LASP1: variants seen among roughly 807,000 people sequenced by gnomAD.
The protein encoded by LASP1 is LIM and SH3 protein 1.
A neutral mutation model predicts 38.6 loss-of-function variants in LASP1; 10 were observed. The observed-to-expected ratio is 0.26, with a 90% CI of 0.16 to 0.44. The LOEUF (loss-of-function observed/expected upper bound fraction) is 0.44. Ranked by LOEUF, LASP1 falls within the 20% of genes least tolerant of loss-of-function variation. The pLI is 1.00. For synonymous variants in LASP1, 132 were observed against 140.8 expected (o/e 0.94, Z 0.44); for missense variants, 243 against 375.7 (o/e 0.65, Z 2.92).
rs371876576 is a variant in LASP1, at chr17:38,882,098, G to A, written c.164+3918G>A. 2.0e-5 allele frequency among the ~76,000 whole-genome samples: 3 copies of A among 152,208 alleles called. No individual in the cohort carries two copies. In the East Asian group the frequency reaches 5.8e-4, roughly 29 times the overall value. ...GACACCCACGCCGGTGCTGGGGCGG[G>A]GGAGGAGGACTTGGGAGCTGGACTG... is the stretch of plus-strand genomic sequence containing the variant. On this transcript the variant is annotated intron_variant, in intron 2 of 6. Transcript: ENST00000318008.
rs536810190 is a variant in LASP1, at chr17:38,920,224, C to G, written c.*1446C>G. The G allele has an allele frequency of 2.1e-6, 1 of 479,250 alleles. No individual in the cohort carries two copies. The highest frequency in any genetic ancestry group is 2.6e-5 in the Admixed American group (1 of 38,668). The allele number at this position is 479,250 out of a possible 1,614,324, so 29.7% of individuals were successfully genotyped here. A position where few individuals can be genotyped will look rare whatever the true frequency, so the allele number is the denominator to read the frequency against. On this transcript the variant is annotated 3_prime_UTR_variant, in exon 7 of 7. Transcript: ENST00000318008. ...TCACTCCAGGCATATGTTTCCCCAT[C>G]TCTGTCTGGGGCTACAGAATAGGGT...
intron 4 of LASP1, among the ~76,000 whole-genome samples, chr17:38,908,231 G>A (rs946757115): frequency 2.0e-5 from 3 of 152,232 alleles, no homozygotes; most frequent in Non-Finnish European, 1.5e-5. Context: ...TTCCGTGTCT[G>A]CACTTCCCTC....
chr17:38,917,054 G>C (rs1915152364), intron 6 of LASP1, among the ~76,000 whole-genome samples: 1 of 152,150 alleles, frequency 6.6e-6, no homozygotes, highest in African/African-American at 2.4e-5. Flanking sequence ...GCAGGGACTT[G>C]TGGGCCCCAG....
intron 1 of LASP1, among the ~76,000 whole-genome samples, chr17:38,876,201 CAG>C (rs1047746042): frequency 2.3e-5 from 3 of 131,976 alleles, no homozygotes; most frequent in African/African-American, 8.8e-5. Context: ...TTTTTTGAGA[CAG>C]AGTCTTGCTC....
Position 38,920,228 on chromosome 17 carries a change from GTC to G in LASP1, c.*1452_*1453del. On this transcript the variant is annotated 3_prime_UTR_variant, in exon 7 of 7. Coordinates refer to ENST00000318008, the MANE Select transcript of LASP1 (RefSeq NM_006148.4). ...TCCAGGCATATGTTTCCCCATCTCT[GTC>G]TGGGGCTACAGAATAGGGTGGCAGA... 1 of 474,618 alleles carries G rather than the reference GTC, an allele frequency of 2.1e-6. No individual in the cohort carries two copies. The allele number at this position is 474,618 out of a possible 1,614,324, so 29.4% of individuals were successfully genotyped here. A position where few individuals can be genotyped will look rare whatever the true frequency, so the allele number is the denominator to read the frequency against.
At chr17:38,900,970 G>T (rs1488256888) in intron 4 of LASP1, among the ~76,000 whole-genome samples, 3 of 152,242 alleles carry the variant, frequency 2.0e-5, no homozygotes, top group East Asian at 3.8e-4. Flanking sequence ...CTTGGAAAGT[G>T]GGGGAGGGGG....
chr17:38,890,374 GC>G, intron 2 of LASP1, 45 bp from the exon 3 acceptor site: 3 of 1,560,558 alleles, frequency 1.9e-6, no homozygotes, highest in Non-Finnish European at 2.6e-6. Flanking sequence ...AGAGGCTCCT[GC>G]CCCTCCCCCA....
At chr17:38,872,486 C>A (rs908672322) in intron 1 of LASP1, among the ~76,000 whole-genome samples, 3 of 152,154 alleles carry the variant, frequency 2.0e-5, no homozygotes, top group Non-Finnish European at 4.4e-5. Context: ...CCTGGAGAGA[C>A]CTCGCCCCCT....
chr17:38,913,053 C>T (rs1915001599), intron 4 of LASP1, among the ~76,000 whole-genome samples: 2 of 152,154 alleles, frequency 1.3e-5, no homozygotes, highest in Admixed American at 1.3e-4. Context: ...TTGGTGGGCA[C>T]CTGCCTCCCC....
chr17:38,907,351 C>T (rs1183983344), intron 4 of LASP1, among the ~76,000 whole-genome samples: 2 of 152,190 alleles, frequency 1.3e-5, no homozygotes, highest in East Asian at 1.9e-4. Flanking sequence ...AAAAGGGGTG[C>T]ATTGAAATTT....
intron 2 of LASP1, among the ~76,000 whole-genome samples, chr17:38,878,525 A>G (rs1475944619): frequency 5.3e-5 from 8 of 152,112 alleles, no homozygotes; most frequent in Admixed American, 5.2e-4. Flanking sequence ...CCTGCTACAA[A>G]AGAGGGGGCT....
At chr17:38,890,395 C>A in intron 2 of LASP1, 25 bp from the exon 3 acceptor site, 2 of 1,601,988 alleles carry the variant, frequency 1.2e-6, no homozygotes, top group Non-Finnish European at 1.7e-6. Context: ...AGAGTCACCC[C>A]CACTCTGTTT....
Position 38,884,917 on chromosome 17 carries a change from C to G in LASP1, c.165-5503C>G, listed in dbSNP as rs546323189. Among the ~76,000 whole-genome samples the G allele has an allele frequency of 7.9e-5, 12 of 152,286 alleles. No individual in the cohort carries two copies. In the South Asian group the frequency reaches 2.5e-3, roughly 32 times the overall value. On this transcript the variant is annotated intron_variant, in intron 2 of 6. Transcript: ENST00000318008. ...CGTTGGCCAGACTGGTCTTGAACTC[C>G]TGACCTCAGATGATCCGCCCGCTTC...
intron 4 of LASP1, among the ~76,000 whole-genome samples, chr17:38,908,293 A>G (rs944911533): frequency 6.6e-6 from 1 of 152,178 alleles, no homozygotes. Flanking sequence ...GAAAGGAAAC[A>G]AGGGAAGCTG....
chr17:38,902,400 A>C (rs954356959), intron 4 of LASP1, among the ~76,000 whole-genome samples: 3 of 128,108 alleles, frequency 2.3e-5, no homozygotes, highest in Non-Finnish European at 4.8e-5. Context: ...TTTTTTAATC[A>C]GAGACAGGGT....
At position 38,884,372 on chromosome 17, in the gene LASP1, C is replaced by CT. The variant is rs527674429; in HGVS notation, c.165-6030dup. Among the ~76,000 whole-genome samples the CT allele has an allele frequency of 3.5e-3, 486 of 137,136 alleles. 1 individual carries two copies. Among genetic ancestry groups the CT allele is most frequent in the Admixed American group, 3.9e-3 (53 of 13,574 alleles). 90.0% of individuals were successfully genotyped at this position (137,136 alleles called of 152,430 possible). A position where few individuals can be genotyped will look rare whatever the true frequency, so the allele number is the denominator to read the frequency against. ...CACAGGGCCTCTTCAGTATCATATCCTTTTTTTTTTTTTTTTTTAATTTTT... is the reference window on the plus strand; with the variant it reads ...CACAGGGCCTCTTCAGTATCATATCCTTTTTTTTTTTTTTTTTTTAATTTTT... On this transcript the variant is annotated intron_variant, in intron 2 of 6. Coordinates refer to ENST00000318008, the MANE Select transcript of LASP1 (RefSeq NM_006148.4).
At chr17:38,909,615 AAAAG>A (rs1408324900) in intron 4 of LASP1, among the ~76,000 whole-genome samples, 1 of 152,142 alleles carries the variant, frequency 6.6e-6, no homozygotes, top group Non-Finnish European at 1.5e-5. Context: ...TCAAAAAAAA[AAAAG>A]AAAGAAAAGT....
chr17:38,910,672 C>T (rs1914911984), intron 4 of LASP1, among the ~76,000 whole-genome samples: 1 of 151,282 alleles, frequency 6.6e-6, no homozygotes. Context: ...TCTGGAAGGC[C>T]CCAGAACCCG....
chr17:38,896,690 T>C (rs928771418), intron 3 of LASP1, among the ~76,000 whole-genome samples: 2 of 152,200 alleles, frequency 1.3e-5, no homozygotes, highest in African/African-American at 2.4e-5. Context: ...AGCCACTGTC[T>C]GTATCGTGGG....
Sources: allele counts gnomAD v4.1 joint callset (sites outside exome capture counted in the v4.1 genomes callset), GRCh38; gene constraint gnomAD v4.1.1; transcripts MANE v1.5; gene names NCBI Gene and HGNC (gene_info 2026-07-23, HGNC 2026-07-21).